Variants in ABCC11 observed in about 807,000 individuals in gnomAD.
ABCC11 encodes ATP-binding cassette sub-family C member 11.
ABCC11 carries 135 observed loss-of-function variants against 149.3 expected under a neutral mutation model. The ratio of observed to expected loss-of-function variants is 0.90; its 90% CI spans 0.79 to 1.04. ABCC11 has a LOEUF of 1.04. Ranked by LOEUF, ABCC11 falls within the 50% of genes least tolerant of loss-of-function variation. ABCC11 has a pLI of 0.00. For synonymous variants in ABCC11, 665 were observed against 671.4 expected (o/e 0.99, Z 0.15); for missense variants, 1,680 against 1,722.1 (o/e 0.98, Z 0.43).
At chr16:48,197,918 G>A (rs369942451) in intron 17 of ABCC11, 53 bp downstream of exon 17, 2 of 1,577,058 alleles carry the variant, frequency 1.3e-6, no homozygotes, top group Non-Finnish European at 1.7e-6. Context: ...TGGGACCTCT[G>A]GAGGACCCAG....
intron 13 of ABCC11, among the ~76,000 whole-genome samples, chr16:48,203,804 A>G (rs1006275483): frequency 8.5e-5 from 13 of 152,176 alleles, no homozygotes; most frequent in Admixed American, 7.9e-4. Context: ...GGAGGCGGAA[A>G]GGTTGCAGTA....
At chr16:48,215,173 A>G in intron 8 of ABCC11, 24 bp downstream of exon 8, 1 of 1,601,616 alleles carries the variant, frequency 6.2e-7, no homozygotes, top group Non-Finnish European at 8.5e-7. Context: ...CCAGGTTTGG[A>G]GCAGAAAGTC....
At chr16:48,170,342 GTTT>G in intron 27 of ABCC11, 124 bp from the exon 28 acceptor site, 1 of 758,424 alleles carries the variant, frequency 1.3e-6, no homozygotes, top group Non-Finnish European at 2.2e-6. Context: ...TCCAGCCTCT[GTTT>G]TCTTGCTCCT....
Position 48,198,169 on chromosome 16 carries a change from A to G in ABCC11, c.2189T>C (p.Ile730Thr), listed in dbSNP as rs1596736127. 6.2e-7 allele frequency: 1 copy of G among 1,614,174 alleles called. No individual in the cohort carries two copies. The highest frequency in any genetic ancestry group is 8.5e-7 in the Non-Finnish European group (1 of 1,180,032). Residue 730 changes from isoleucine (I) to threonine (T), a missense_variant, in exon 16 of 30, where the codon ATC becomes ACC. Coordinates refer to ENST00000356608, the MANE Select transcript of ABCC11 (RefSeq NM_001370497.1). Reference protein sequence around the residue: ...MQKKGKYAQLIQKMHKEATSD... With the variant: ...MQKKGKYAQLTQKMHKEATSD... ...AGTGGCTTCCTTGTGCATCTTCTGG[A>G]TAAGTTGGGCATATTTCCCCTTTTT...
At chr16:48,199,018 A>C (rs777439567) in intron 15 of ABCC11, among the ~76,000 whole-genome samples, 1 of 151,906 alleles carries the variant, frequency 6.6e-6, no homozygotes, top group Non-Finnish European at 1.5e-5. Context: ...TAGGCAACAG[A>C]GTCAGACTCT....
chr16:48,236,065 T>A (rs771086514), intron 1 of ABCC11, among the ~76,000 whole-genome samples: 1 of 152,226 alleles, frequency 6.6e-6, no homozygotes, highest in South Asian at 2.1e-4. Flanking sequence ...CCTAAAGAAG[T>A]TTAAGTGATT....
At chr16:48,205,373 A>G in intron 13 of ABCC11, 40 bp downstream of exon 13, 1 of 1,612,448 alleles carries the variant, frequency 6.2e-7, no homozygotes, top group Non-Finnish European at 8.5e-7. Context: ...CAGACCAGCC[A>G]CATGCCCTGT....
At chr16:48,187,149 G>T (rs925444516) in intron 21 of ABCC11, 52 bp downstream of exon 21, 1 of 1,613,244 alleles carries the variant, frequency 6.2e-7, no homozygotes, top group African/African-American at 1.3e-5. Context: ...CATCTAGTCT[G>T]GGTTGGTCCC....
intron 20 of ABCC11, among the ~76,000 whole-genome samples, chr16:48,191,214 T>C (rs1264467198): frequency 6.6e-6 from 1 of 152,206 alleles, no homozygotes; most frequent in African/African-American, 2.4e-5. Flanking sequence ...TTGTAACAAA[T>C]GTCCCACGTT....
intron 26 of ABCC11, among the ~76,000 whole-genome samples, chr16:48,172,395 A>G (rs573239230): frequency 6.6e-6 from 1 of 151,482 alleles, no homozygotes; most frequent in South Asian, 2.1e-4. Flanking sequence ...TAGAAGTGAA[A>G]TTCCTGGATT....
rs2150768663 is a variant in ABCC11, at chr16:48,187,358, C to A, written c.2776G>T (p.Asp926Tyr). Residue 926 changes from aspartate to tyrosine, a missense_variant, in exon 21 of 30, where the codon GAC (aspartate) becomes TAC (tyrosine). Coordinates refer to ENST00000356608, the MANE Select transcript of ABCC11 (RefSeq NM_001370497.1). ...IGRLLNCFAG[D>Y]LEQLDQLLPI... ...AAGAGCTGGTCCAGCTGTTCCAAGT[C>A]CCCTGCGAAGCAGTTCAAAAGCCGG... is the stretch of plus-strand genomic sequence containing the variant. The A allele has an allele frequency of 1.2e-6, 2 of 1,614,114 alleles. No homozygotes were observed. The highest frequency in any genetic ancestry group is 1.1e-5 in the South Asian group (1 of 91,082).
chr16:48,241,658 T>C (rs8049398), intron 1 of ABCC11, among the ~76,000 whole-genome samples: 19,849 of 152,106 alleles, frequency 0.13, 1,592 homozygotes, highest in African/African-American at 0.23. Context: ...TACAAGGCTA[T>C]GGTAACCAAA....
At chr16:48,169,951 CTGTTGCTGTTGTTGT>C (rs1246955241) in intron 28 of ABCC11, among the ~76,000 whole-genome samples, 139 bp downstream of exon 28, 1 of 147,672 alleles carries the variant, frequency 6.8e-6, no homozygotes, top group Non-Finnish European at 1.5e-5. Context: ...CCTTTGGATT[CTGTTGCTGTTGTTGT>C]TGTTGTTGTT....
chr16:48,214,970 T>A lies in ABCC11; in HGVS notation c.1159A>T (p.Ser387Cys). Residue 387 changes from serine to cysteine, a missense_variant, in exon 9 of 30, where the codon AGT (serine) becomes TGT (cysteine). Physicochemically the swap from Ser to Cys is moderately radical, Grantham distance 112. Coordinates refer to ENST00000356608, the MANE Select transcript of ABCC11 (RefSeq NM_001370497.1). ...EKCGLVQSLT[S>C]ITLFIIPTVA... The stretch of plus-strand genomic sequence containing the variant: ...GTGGGGATGATGAACAAGGTTATAC[T>A]TGTCAGGCTCTGGACAAGCCCGCAC... 1.2e-6 allele frequency: 2 copies of A among 1,614,168 alleles called. No individual in the cohort carries two copies. Among genetic ancestry groups the A allele is most frequent in the Non-Finnish European group, 1.7e-6 (2 of 1,180,026 alleles).
At chr16:48,235,014 C>T (rs1970617788) in intron 1 of ABCC11, 1 of 152,178 alleles carries the variant, frequency 6.6e-6, no homozygotes. Context: ...TTGGCTCAAA[C>T]AAGGTCTTAA....
chr16:48,167,804 T>A, intron 28 of ABCC11, 144 bp from the exon 29 acceptor site: 1 of 943,076 alleles, frequency 1.1e-6, no homozygotes, highest in Non-Finnish European at 1.6e-6. Context: ...TTATGCCGAG[T>A]GCAAAGCCCG....
chr16:48,211,121 C>G lies in ABCC11; in HGVS notation c.1435G>C (p.Ala479Pro), dbSNP rs756843557. ...DPSKALVFEEATLSWQQTCPG... is the reference protein window; with the variant it reads ...DPSKALVFEEPTLSWQQTCPG... Reference sequence around the variant, plus strand: ...CAGGTCTGTTGCCATGACAAGGTGGCCTCCTCAAAGACCAGAGCTTTGCTG... The same window carrying G: ...CAGGTCTGTTGCCATGACAAGGTGGGCTCCTCAAAGACCAGAGCTTTGCTG... The change falls in exon 11 of 30, where the codon GCC (alanine) becomes CCC (proline). Residue 479 changes from alanine (A) to proline (P), a missense_variant. Physicochemically the swap from Ala to Pro is conservative, Grantham distance 27. Transcript: ENST00000356608. 3.1e-6 allele frequency: 5 copies of G among 1,614,188 alleles called. No homozygotes were observed. The Admixed American group carries it at 8.3e-5, about 27-fold the overall frequency.
At position 48,215,228 on chromosome 16, in the gene ABCC11, T is replaced by C. The variant is rs1296448393; in HGVS notation, c.1068A>G (p.Thr356=). The stretch of plus-strand genomic sequence containing the variant: ...TGATTTTTGCAAATGGTTTCTCCCA[T>C]GTGTACATTTTAATCAGCTTAATGC... ...LTCIKLIKMY[T]WEKPFAKIIE... is the part of the protein sequence containing the mutation. The change falls in exon 8 of 30, where the codon ACA becomes ACG. Residue 356 remains threonine (T), a synonymous_variant. Transcript: ENST00000356608. The C allele has an allele frequency of 2.5e-6, 4 of 1,613,378 alleles. No individual in the cohort carries two copies. The highest frequency in any genetic ancestry group is 4.5e-5 in the East Asian group (2 of 44,842).
chr16:48,170,216 G>C lies in ABCC11; in HGVS notation c.3780C>G (p.Ile1260Met), dbSNP rs1486459676. The C allele has an allele frequency of 3.7e-6, 6 of 1,611,770 alleles. No individual in the cohort carries two copies. Among genetic ancestry groups the C allele is most frequent in the Non-Finnish European group, 4.2e-6 (5 of 1,177,836 alleles). ...TATGCAGCTTTTTGGGGAACTTTGAGATCTGCGATATGGGAAGAAGAGACA... is the reference window on the plus strand; with the variant it reads ...TATGCAGCTTTTTGGGGAACTTTGACATCTGCGATATGGGAAGAAGAGACA... ...ALERTFLTKA[I>M]SKFPKKLHTD... The change falls in exon 28 of 30, where the codon ATC becomes ATG. Residue 1260 changes from isoleucine (I) to methionine (M), a missense_variant and splice_region_variant. By Grantham distance (10) the Ile-to-Met change is conservative. Coordinates refer to ENST00000356608, the MANE Select transcript of ABCC11 (RefSeq NM_001370497.1).
Sources: allele counts gnomAD v4.1 joint callset (sites outside exome capture counted in the v4.1 genomes callset), GRCh38; gene constraint gnomAD v4.1.1; transcripts MANE v1.5; gene names NCBI Gene and HGNC (gene_info 2026-07-23, HGNC 2026-07-21).